SUGCT: variants seen among roughly 807,000 people sequenced by gnomAD.
SUGCT encodes succinyl-CoA:glutarate CoA-transferase.
SUGCT carries 41 observed loss-of-function variants against 55.0 expected under a neutral mutation model. The ratio of observed to expected loss-of-function variants is 0.74; its 90% CI spans 0.58 to 0.97. The LOEUF (loss-of-function observed/expected upper bound fraction) is 0.97. Among genes scored for constraint, SUGCT ranks in the 50% least tolerant of loss-of-function variants. The pLI is 0.00. For missense variants in SUGCT, 568 were observed against 547.8 expected, an observed-to-expected ratio of 1.04 and a Z score of -0.37; for synonymous variants, 187 against 200.4, an observed-to-expected ratio of 0.93 and a Z score of 0.56.
chr7:40,364,849 A>T (rs1783842908), intron 9 of SUGCT, among the ~76,000 whole-genome samples: 1 of 152,132 alleles, frequency 6.6e-6, no homozygotes, highest in African/African-American at 2.4e-5. Flanking sequence ...AGGAACTGGT[A>T]CCATTCCTTC....
intron 12 of SUGCT, among the ~76,000 whole-genome samples, chr7:40,599,704 C>G (rs1052394224): frequency 3.3e-5 from 5 of 152,180 alleles, no homozygotes; most frequent in Non-Finnish European, 7.3e-5. Flanking sequence ...ACATAATAAA[C>G]TGTAGTATTG....
the SUGCT span, among the ~76,000 whole-genome samples, chr7:41,036,138 A>G: frequency 2.0e-5 from 3 of 152,284 alleles, no homozygotes; most frequent in South Asian, 2.1e-4. Flanking sequence ...TAGAGGCTCA[A>G]ACAAATTTGT....
chr7:40,736,215 ATATAT>A (rs1487583420), intron 12 of SUGCT, among the ~76,000 whole-genome samples: 21 of 136,942 alleles, frequency 1.5e-4, no homozygotes, highest in South Asian at 1.1e-3. Context: ...TCAATATATA[ATATAT>A]TATAATATAT....
At position 40,609,661 on chromosome 7, in the gene SUGCT, A is replaced by T. The variant is rs529579681; in HGVS notation, c.1089+113275A>T. On this transcript the variant is annotated intron_variant, in intron 12 of 13. Coordinates refer to ENST00000335693, the MANE Select transcript of SUGCT (RefSeq NM_001193313.2). ...CTTCAAAATTGCACTGAAAACTCTT[A>T]AAAAAATAACAGCAAAACAACAAAT... 3.3e-4 allele frequency among the ~76,000 whole-genome samples: 50 copies of T among 152,216 alleles called. 1 individual carries two copies. The East Asian group carries it at 4.2e-3, about 13-fold the overall frequency.
intron 13 of SUGCT, among the ~76,000 whole-genome samples, chr7:40,806,157 T>C (rs1203125316): frequency 1.3e-5 from 2 of 152,182 alleles, no homozygotes; most frequent in East Asian, 1.9e-4. Context: ...AGATATTCTG[T>C]AATAAGTTCC....
At chr7:40,453,607 TAATC>T (rs1789312969) in intron 10 of SUGCT, among the ~76,000 whole-genome samples, 1 of 152,218 alleles carries the variant, frequency 6.6e-6, no homozygotes, top group African/African-American at 2.4e-5. Flanking sequence ...TTTGAAACCT[TAATC>T]AAAATGAGAA....
rs566620981 is a variant in SUGCT, at chr7:40,744,180, G to A, written c.1090-5254G>A. 1.0e-3 allele frequency among the ~76,000 whole-genome samples: 155 copies of A among 151,820 alleles called. 1 individual carries two copies. Among genetic ancestry groups the A allele is most frequent in the Non-Finnish European group, 8.8e-5 (6 of 67,950 alleles). On this transcript the variant is annotated intron_variant, in intron 12 of 13. Transcript: ENST00000335693. The stretch of plus-strand genomic sequence containing the variant: ...TGAACTCAGGTGATCCACCTGCCTC[G>A]GCCTCCCAAAGTGCTGGGATTACAG...
chr7:40,701,449 G>A (rs1023636037), intron 12 of SUGCT, among the ~76,000 whole-genome samples: 5 of 152,132 alleles, frequency 3.3e-5, no homozygotes, highest in Non-Finnish European at 5.9e-5. Context: ...AGGGCCATCT[G>A]GCTGCTTCCA....
At chr7:40,479,065 C>T (rs1022705850) in intron 11 of SUGCT, among the ~76,000 whole-genome samples, 1 of 151,702 alleles carries the variant, frequency 6.6e-6, no homozygotes, top group Non-Finnish European at 1.5e-5. Flanking sequence ...TGTATGTGTA[C>T]CTATATATAT....
intron 13 of SUGCT, among the ~76,000 whole-genome samples, chr7:40,787,912 G>A (rs35105954): frequency 0.015 from 2,258 of 152,240 alleles, 145 homozygotes; most frequent in East Asian, 0.096. Context: ...GACCCATGGG[G>A]AGAAGGCACT....
At chr7:40,725,268 G>A (rs1786554055) in intron 12 of SUGCT, among the ~76,000 whole-genome samples, 1 of 152,198 alleles carries the variant, frequency 6.6e-6, no homozygotes, top group Non-Finnish European at 1.5e-5. Context: ...TACATTGCTA[G>A]TGTGCCAAGC....
In SUGCT at chr7:40,419,667, C is replaced by T. The variant is rs537418576; in HGVS notation, c.817-29620C>T. Among the ~76,000 whole-genome samples the T allele has an allele frequency of 6.6e-5, 10 of 152,192 alleles. No homozygotes were observed. In the South Asian group the frequency reaches 1.9e-3, roughly 28 times the overall value. ...TGTAGCTCAGGTCCACTGTTGAGGT[C>T]CACTGCTAAGAGGCATTGTTTGGAG... On this transcript the variant is annotated intron_variant, in intron 9 of 13. Transcript: ENST00000335693.
At chr7:40,377,198 CTTTT>C (rs1784620310) in intron 9 of SUGCT, among the ~76,000 whole-genome samples, 7 of 16,556 alleles carry the variant, frequency 4.2e-4, no homozygotes, top group South Asian at 9.1e-3. Context: ...TTCTTTCTTT[CTTTT>C]CTTTTCTTTT....
At chr7:40,854,437 TTTC>T (rs1794048394) in intron 13 of SUGCT, among the ~76,000 whole-genome samples, 2 of 144,536 alleles carry the variant, frequency 1.4e-5, no homozygotes, top group South Asian at 2.2e-4. Context: ...TCTTTCTTTC[TTTC>T]TTTCTTTCTT....
At chr7:40,381,294 A>G (rs1190265532) in intron 9 of SUGCT, among the ~76,000 whole-genome samples, 1 of 152,042 alleles carries the variant, frequency 6.6e-6, no homozygotes, top group Admixed American at 6.6e-5. Context: ...AGCAATAATA[A>G]ATTTTTAATA....
At chr7:40,938,953 CA>C in the SUGCT span, among the ~76,000 whole-genome samples, 1 of 152,266 alleles carries the variant, frequency 6.6e-6, no homozygotes, top group Admixed American at 6.5e-5. Context: ...CACATCTTTG[CA>C]ATTGTGAATT....
At chr7:40,228,585 T>C (rs1463592100) in intron 6 of SUGCT, among the ~76,000 whole-genome samples, 4 of 152,152 alleles carry the variant, frequency 2.6e-5, no homozygotes, top group Non-Finnish European at 4.4e-5. Flanking sequence ...AGGCATATAA[T>C]GGCTGGGCAT....
rs549409162 is a variant in SUGCT, at chr7:40,577,324, G to A, written c.1089+80938G>A. On this transcript the variant is annotated intron_variant, in intron 12 of 13. Coordinates refer to ENST00000335693, the MANE Select transcript of SUGCT (RefSeq NM_001193313.2). ...GAGAGGGAAGGAAGATTGGGTGGAA[G>A]CATCCCAAGACATTAGTTCTAATAT... 9.7e-4 allele frequency among the ~76,000 whole-genome samples: 147 copies of A among 152,198 alleles called. 1 individual carries two copies. The highest frequency in any genetic ancestry group is 3.4e-3 in the African/African-American group (141 of 41,532).
At chr7:41,025,471 G>A in the SUGCT span, among the ~76,000 whole-genome samples, 2 of 151,920 alleles carry the variant, frequency 1.3e-5, no homozygotes, top group Admixed American at 6.6e-5. Flanking sequence ...CTGGGTTCAA[G>A]CGATTCTCCT....
Sources: gnomAD v4.1 joint callset for allele counts (sites outside exome capture counted in the v4.1 genomes callset) on GRCh38, gnomAD v4.1.1 for gene constraint, MANE v1.5 for transcripts, NCBI Gene and HGNC (gene_info 2026-07-23, HGNC 2026-07-21) for gene names.